PRKG1: variants seen among roughly 807,000 people sequenced by gnomAD.
PRKG1 encodes cGMP-dependent protein kinase 1.
PRKG1 carries 35 observed loss-of-function variants against 88.1 expected under a neutral mutation model. That is an observed-to-expected ratio of 0.40 (90% CI 0.30 to 0.53). The LOEUF (loss-of-function observed/expected upper bound fraction) is 0.53. Ranked by LOEUF, PRKG1 falls within the 20% of genes least tolerant of loss-of-function variation. The probability of loss-of-function intolerance (pLI) is 0.59; values close to 1 mark genes in which losing one functional copy is unlikely to be tolerated. For missense variants in PRKG1, 540 were observed against 839.8 expected, an observed-to-expected ratio of 0.64 and a Z score of 4.41; for synonymous variants, 303 against 292.5, an observed-to-expected ratio of 1.04 and a Z score of -0.37.
intron 5 of PRKG1, among the ~76,000 whole-genome samples, chr10:52,050,676 G>A (rs1845968237): frequency 1.3e-5 from 2 of 152,146 alleles, no homozygotes; most frequent in South Asian, 4.1e-4. Context: ...ATGAGCTCAT[G>A]CAACATGGAC....
At chr10:52,182,611 A>G (rs1309089456) in intron 9 of PRKG1, among the ~76,000 whole-genome samples, 1 of 140,654 alleles carries the variant, frequency 7.1e-6, no homozygotes, top group Non-Finnish European at 1.5e-5. Flanking sequence ...TAATTTTTGT[A>G]TAAGGTGTAA....
intron 2 of PRKG1, among the ~76,000 whole-genome samples, chr10:51,463,677 T>TTTGTAAATGTGTAATCAC: frequency 6.6e-6 from 1 of 152,224 alleles, no homozygotes; most frequent in South Asian, 2.1e-4. Flanking sequence ...TTGGAAATCA[T>TTTGTAAATGTGTAATCAC]TTGTAAATGT....
At chr10:51,664,854 G>T (rs1467840241) in intron 3 of PRKG1, among the ~76,000 whole-genome samples, 1 of 152,078 alleles carries the variant, frequency 6.6e-6, no homozygotes, top group African/African-American at 2.4e-5. Flanking sequence ...AAATAAAATA[G>T]TATCTTCTTT....
chr10:51,214,068 T>G (rs181187512), intron 2 of PRKG1, among the ~76,000 whole-genome samples: 19 of 152,316 alleles, frequency 1.2e-4, no homozygotes, highest in Admixed American at 7.8e-4. Context: ...TTCAAAAATT[T>G]TGTTAGAGAA....
chr10:51,423,143 C>T (rs1426473036), intron 2 of PRKG1, among the ~76,000 whole-genome samples: 1 of 152,092 alleles, frequency 6.6e-6, no homozygotes, highest in Non-Finnish European at 1.5e-5. Flanking sequence ...CTATTCAAAT[C>T]AAGTGTGTGA....
chr10:52,103,500 T>G (rs2132571731), intron 7 of PRKG1, among the ~76,000 whole-genome samples: 1 of 152,272 alleles, frequency 6.6e-6, no homozygotes, highest in South Asian at 2.1e-4. Context: ...CTATATTTTC[T>G]TTTCTTTATG....
intron 3 of PRKG1, among the ~76,000 whole-genome samples, chr10:51,484,681 A>G (rs1840478498): frequency 6.6e-6 from 1 of 152,160 alleles, no homozygotes; most frequent in South Asian, 2.1e-4. Context: ...TCACCACTTA[A>G]GGCAGACTTC....
intron 10 of PRKG1, among the ~76,000 whole-genome samples, chr10:52,270,298 G>T (rs1231028803): frequency 6.6e-6 from 1 of 152,026 alleles, no homozygotes; most frequent in Non-Finnish European, 1.5e-5. Context: ...CAACCATTGT[G>T]GAAGACAGTG....
chr10:52,099,330 G>A (rs755560816), intron 7 of PRKG1, among the ~76,000 whole-genome samples: 7 of 152,146 alleles, frequency 4.6e-5, no homozygotes, highest in Admixed American at 1.3e-4. Flanking sequence ...TGTCCTGAAA[G>A]AGAGTTACGA....
At chr10:52,058,694 A>T (rs1329247664) in intron 6 of PRKG1, among the ~76,000 whole-genome samples, 1 of 152,078 alleles carries the variant, frequency 6.6e-6, no homozygotes, top group Non-Finnish European at 1.5e-5. Flanking sequence ...TTTAAAAGTA[A>T]AACATAAAGC....
intron 10 of PRKG1, among the ~76,000 whole-genome samples, chr10:52,256,400 C>G (rs1841308661): frequency 1.4e-5 from 2 of 139,220 alleles, no homozygotes; most frequent in Non-Finnish European, 3.2e-5. Context: ...TAGCTAGAAG[C>G]TAGAGCTCTA....
intron 1 of PRKG1, among the ~76,000 whole-genome samples, chr10:51,104,661 A>G (rs534659305): frequency 1.7e-4 from 26 of 151,790 alleles, no homozygotes; most frequent in Non-Finnish European, 3.5e-4. Context: ...CTGTGATTAC[A>G]GGGGGCGCTA....
chr10:52,033,871 TA>T (rs1368190822), intron 5 of PRKG1, among the ~76,000 whole-genome samples: 2 of 151,100 alleles, frequency 1.3e-5, no homozygotes, highest in Admixed American at 6.6e-5. Context: ...TGAAGGGAGA[TA>T]GGGGTGGGGC....
intron 3 of PRKG1, among the ~76,000 whole-genome samples, chr10:51,729,944 G>GCTTC (rs1842233036): frequency 6.6e-6 from 1 of 152,004 alleles, no homozygotes; most frequent in African/African-American, 2.4e-5. Context: ...ATACCACATA[G>GCTTC]CTTCCCCTGT....
At chr10:51,897,661 C>G (rs1016253854) in intron 4 of PRKG1, among the ~76,000 whole-genome samples, 2 of 152,102 alleles carry the variant, frequency 1.3e-5, no homozygotes, top group Non-Finnish European at 2.9e-5. Context: ...TGTCTCTTCT[C>G]TTCTCTTTCA....
intron 1 of PRKG1, among the ~76,000 whole-genome samples, chr10:51,033,116 T>C (rs1168843694): frequency 6.6e-6 from 1 of 152,144 alleles, no homozygotes; most frequent in African/African-American, 2.4e-5. Context: ...AAAGCTTATA[T>C]TCCCTTATCT....
In PRKG1 at chr10:50,991,870, G is replaced by T. The variant is rs999414575; in HGVS notation, c.266+226G>T. On this transcript the variant is annotated intron_variant, in intron 1 of 17. Coordinates refer to the PRKG1 transcript ENST00000401604. This position sits in a 1 kb window ranked among gnomAD's most constrained non-coding sequence, Gnocchi z 4.5. The stretch of plus-strand genomic sequence containing the variant: ...CCGGGCTGGGAAAGGCGAGCTGCAC[G>T]GGGAGACGCGCCCCTGTGGCGTGGG... 8.5e-5 allele frequency among the ~76,000 whole-genome samples: 13 copies of T among 152,310 alleles called. No individual in the cohort carries two copies. The South Asian group carries it at 1.2e-3, about 15-fold the overall frequency.
chr10:51,153,461 G>A (rs767222039), intron 2 of PRKG1, 131 bp downstream of exon 2: 1 of 851,958 alleles, frequency 1.2e-6, no homozygotes, highest in Non-Finnish European at 1.7e-6. Flanking sequence ...AGTTTGAGAA[G>A]AGTTGAAACA....
intron 2 of PRKG1, among the ~76,000 whole-genome samples, chr10:51,382,907 GA>G (rs1837146960): frequency 6.6e-6 from 1 of 152,126 alleles, no homozygotes; most frequent in African/African-American, 2.4e-5. Flanking sequence ...TCCAAACATA[GA>G]GTATAAATCC....
Sources: gnomAD v4.1 joint callset for allele counts (sites outside exome capture counted in the v4.1 genomes callset) on GRCh38, gnomAD v4.1.1 for gene constraint, Gnocchi (gnomAD v3.1) non-coding constraint, MANE v1.5 for transcripts, NCBI Gene and HGNC (gene_info 2026-07-23, HGNC 2026-07-21) for gene names.